The following MRAP2 variants were observed in gnomAD, a reference collection of about 807,000 sequenced individuals.
MRAP2 encodes melanocortin-2 receptor accessory protein 2.
A neutral mutation model predicts 17.4 loss-of-function variants in MRAP2; 20 were observed. The observed-to-expected ratio is 1.15, with a 90% CI of 0.81 to 1.67. The LOEUF (loss-of-function observed/expected upper bound fraction) is 1.67, where lower values mean the gene tolerates loss of function less well. Ranked by LOEUF, MRAP2 falls within the 40% of genes most tolerant of loss-of-function variation. The pLI is 0.00. For missense variants in MRAP2, 238 were observed against 240.0 expected (o/e 0.99, Z 0.05); for synonymous variants, 96 against 88.4 (o/e 1.09, Z -0.48).
chr6:84,144,199 T>C, the MRAP2 span, among the ~76,000 whole-genome samples: 4 of 152,020 alleles, frequency 2.6e-5, no homozygotes, highest in African/African-American at 2.4e-5. Flanking sequence ...TCAAAGTAAT[T>C]AGGCTTATTT....
rs117843206 is a variant in MRAP2, at chr6:84,053,986, G to T, written c.-7-1326G>T. On this transcript the variant is annotated intron_variant, in intron 1 of 3. Coordinates refer to ENST00000257776, the MANE Select transcript of MRAP2 (RefSeq NM_138409.4). ...GATGCAGAAGTGGGGTGGAAGGGTG[G>T]TGGTGATTTTGCCTCAGCTTCCCTG... Among the ~76,000 whole-genome samples, 517 of 152,136 alleles carry T rather than the reference G, an allele frequency of 3.4e-3. 1 individual carries two copies. The highest frequency in any genetic ancestry group is 4.1e-3 in the Non-Finnish European group (279 of 67,986).
downstream of MRAP2, among the ~76,000 whole-genome samples, chr6:84,095,396 G>A (rs146666349): frequency 6.6e-6 from 1 of 152,166 alleles, no homozygotes; most frequent in East Asian, 1.9e-4. Context: ...AACCTGAGAG[G>A]CCTTTGGAAA....
chr6:84,077,952 G>T (rs549226590), intron 3 of MRAP2, among the ~76,000 whole-genome samples: 10 of 152,238 alleles, frequency 6.6e-5, no homozygotes, highest in African/African-American at 2.2e-4. Flanking sequence ...TGCAATATGG[G>T]TAATATGACT....
chr6:84,138,939 A>T, the MRAP2 span, among the ~76,000 whole-genome samples: 7 of 152,236 alleles, frequency 4.6e-5, no homozygotes, highest in African/African-American at 1.7e-4. Flanking sequence ...ACACTTGCGT[A>T]ATTGTAGAGT....
Position 84,033,819 on chromosome 6 carries a change from G to C in MRAP2, c.-72G>C. On this transcript the variant is annotated 5_prime_UTR_variant, in exon 1 of 4. Transcript: ENST00000257776. ...GGAGGCGGCGGCGGCGGCGGCGCTC[G>C]CGCACCTCGGAGGAGCCAGGAGCCG... 2 of 983,426 alleles carry C rather than the reference G, an allele frequency of 2.0e-6. No individual in the cohort carries two copies. Among genetic ancestry groups the C allele is most frequent in the Non-Finnish European group, 2.4e-6 (2 of 831,322 alleles). The allele number at this position is 983,426 out of a possible 1,614,324, so 60.9% of individuals were successfully genotyped here.
the MRAP2 span, among the ~76,000 whole-genome samples, chr6:84,113,710 C>T: frequency 5.8e-4 from 88 of 152,296 alleles, 1 homozygote; most frequent in African/African-American, 2.0e-3. Flanking sequence ...TATGTTTTTG[C>T]AGTGGCTGGT....
intron 1 of MRAP2, among the ~76,000 whole-genome samples, chr6:84,054,927 A>G (rs1414305430): frequency 2.0e-5 from 3 of 152,226 alleles, no homozygotes; most frequent in Admixed American, 6.5e-5. Flanking sequence ...TAGTTTCAGC[A>G]GGCTCTTTAC....
downstream of MRAP2, among the ~76,000 whole-genome samples, chr6:84,095,390 T>G (rs2099502499): frequency 6.6e-6 from 1 of 152,210 alleles, no homozygotes; most frequent in Non-Finnish European, 1.5e-5. Flanking sequence ...TGCAGAAACC[T>G]GAGAGGCCTT....
chr6:84,033,663 C>G (rs981458204), upstream of MRAP2: 1 of 984,702 alleles, frequency 1.0e-6, no homozygotes, highest in South Asian at 4.7e-5. Flanking sequence ...GGAGGCGGCT[C>G]TCGCGCTGGG....
chr6:84,047,895 C>A (rs936801770), intron 1 of MRAP2, among the ~76,000 whole-genome samples: 2 of 152,180 alleles, frequency 1.3e-5, no homozygotes, highest in African/African-American at 4.8e-5. Flanking sequence ...TTGTAACTGG[C>A]TTATTTCATT....
At chr6:84,141,558 C>G in the MRAP2 span, among the ~76,000 whole-genome samples, 4 of 152,148 alleles carry the variant, frequency 2.6e-5, no homozygotes, top group African/African-American at 9.7e-5. Context: ...TGAACAAATT[C>G]CTTTAATCCT....
At chr6:84,109,606 A>G in the MRAP2 span, among the ~76,000 whole-genome samples, 2 of 151,920 alleles carry the variant, frequency 1.3e-5, no homozygotes, top group Admixed American at 1.3e-4. Flanking sequence ...CAACTTCTTT[A>G]TTATTATTAT....
At chr6:84,033,762 T>C, upstream of MRAP2, 1 of 985,876 alleles carries the variant, frequency 1.0e-6, no homozygotes, top group Non-Finnish European at 1.2e-6. Flanking sequence ...GCACCTCGGA[T>C]CTAGGAGCTA....
At chr6:84,098,409 T>C in the MRAP2 span, among the ~76,000 whole-genome samples, 1 of 152,162 alleles carries the variant, frequency 6.6e-6, no homozygotes, top group South Asian at 2.1e-4. Flanking sequence ...TAAATAAATA[T>C]TTTCTATGAA....
chr6:84,058,663 A>G (rs972589740), intron 2 of MRAP2, among the ~76,000 whole-genome samples: 2 of 152,198 alleles, frequency 1.3e-5, no homozygotes, highest in African/African-American at 2.4e-5. Flanking sequence ...GAAGAGTCCA[A>G]TGCTGAGCCC....
At chr6:84,100,813 G>A in the MRAP2 span, among the ~76,000 whole-genome samples, 1 of 151,966 alleles carries the variant, frequency 6.6e-6, no homozygotes, top group African/African-American at 2.4e-5. Flanking sequence ...CAGGAATCTT[G>A]GTGTGTTCCA....
At chr6:84,124,840 C>G in the MRAP2 span, 1 of 513,982 alleles carries the variant, frequency 1.9e-6, no homozygotes, top group East Asian at 3.6e-5. Flanking sequence ...ATAAAGGAAA[C>G]TGTCCATAAA....
intron 2 of MRAP2, chr6:84,062,405 G>A (rs951032314): frequency 1.2e-5 from 5 of 416,574 alleles, no homozygotes; most frequent in Admixed American, 6.4e-5. Flanking sequence ...GCAGCCCAGA[G>A]TCTCTCTGAA....
chr6:84,141,835 G>A, the MRAP2 span, among the ~76,000 whole-genome samples: 1 of 151,858 alleles, frequency 6.6e-6, no homozygotes, highest in African/African-American at 2.4e-5. Flanking sequence ...CTTATATTTT[G>A]GGCCTCCATT....
Sources: allele counts gnomAD v4.1 joint callset (sites outside exome capture counted in the v4.1 genomes callset), GRCh38; gene constraint gnomAD v4.1.1; transcripts MANE v1.5; gene names NCBI Gene and HGNC (gene_info 2026-07-23, HGNC 2026-07-21).